The following ADGRL3 variants were observed in gnomAD, a reference collection of about 807,000 sequenced individuals.
ADGRL3 encodes calcium-independent alpha-latrotoxin receptor 3.
Under a neutral mutation model 153.5 loss-of-function variants are expected in ADGRL3, and 62 were observed. The observed-to-expected ratio is 0.40, with a 90% CI of 0.33 to 0.50. The LOEUF is 0.50. ADGRL3 is among the 20% of genes least tolerant of loss of function. The probability of loss-of-function intolerance (pLI) is 0.47; values close to 1 mark genes in which losing one functional copy is unlikely to be tolerated. For synonymous variants in ADGRL3, 710 were observed against 672.5 expected, an observed-to-expected ratio of 1.06 and a Z score of -0.86; for missense variants, 1,641 against 1,859.4, an observed-to-expected ratio of 0.88 and a Z score of 2.16.
At chr4:61,373,456 CTT>C (rs2096565274) in intron 1 of ADGRL3, among the ~76,000 whole-genome samples, 1 of 152,044 alleles carries the variant, frequency 6.6e-6, no homozygotes, top group African/African-American at 2.4e-5. Flanking sequence ...GAGAATTTAA[CTT>C]TCATTGTTAA....
At chr4:61,292,301 A>T (rs2094249651) in intron 1 of ADGRL3, among the ~76,000 whole-genome samples, 1 of 152,120 alleles carries the variant, frequency 6.6e-6, no homozygotes, top group African/African-American at 2.4e-5. Context: ...TTGTGTGTTT[A>T]CTTCAATGGG....
intron 6 of ADGRL3, among the ~76,000 whole-genome samples, chr4:61,716,865 C>T (rs1234791498): frequency 6.6e-6 from 1 of 152,120 alleles, no homozygotes; most frequent in African/African-American, 2.4e-5. Context: ...GGATTTTATA[C>T]TGTCTTTCCT....
At chr4:62,056,772 A>G (rs935640607) in intron 25 of ADGRL3, among the ~76,000 whole-genome samples, 2 of 152,146 alleles carry the variant, frequency 1.3e-5, no homozygotes, top group Admixed American at 6.6e-5. Flanking sequence ...ATGTATGTCA[A>G]GACAAAGGAG....
chr4:62,076,464 A>G lies in ADGRL3; in HGVS notation c.*5556A>G, dbSNP rs1451645817. 2 of 152,096 alleles carry G rather than the reference A, an allele frequency of 1.3e-5. No homozygotes were observed. The highest frequency in any genetic ancestry group is 2.9e-5 in the Non-Finnish European group (2 of 67,952). 9.4% of individuals were successfully genotyped at this position (152,096 alleles called of 1,614,324 possible). A position where few individuals can be genotyped will look rare whatever the true frequency, so the allele number is the denominator to read the frequency against. ...TCAACCACAATATGAACAACGGAAG[A>G]GCAGAAACCAAACAAGTTAGCAAAC... On this transcript the variant is annotated 3_prime_UTR_variant, in exon 27 of 27. Coordinates refer to ENST00000683033, the MANE Select transcript of ADGRL3 (RefSeq NM_001387552.1).
chr4:61,670,050 C>G (rs371213967), intron 5 of ADGRL3, among the ~76,000 whole-genome samples: 3 of 152,294 alleles, frequency 2.0e-5, no homozygotes, highest in East Asian at 3.9e-4. Flanking sequence ...AATCCCAGCA[C>G]TCTGGGAGGC....
intron 4 of ADGRL3, among the ~76,000 whole-genome samples, chr4:61,541,236 C>T (rs2098688567): frequency 6.6e-6 from 1 of 152,086 alleles, no homozygotes; most frequent in South Asian, 2.1e-4. Context: ...GTTTGTTCCA[C>T]CCCTGGTGAG....
intron 17 of ADGRL3, among the ~76,000 whole-genome samples, chr4:61,964,976 A>G (rs1232854573): frequency 6.6e-6 from 1 of 151,980 alleles, no homozygotes; most frequent in Non-Finnish European, 1.5e-5. Context: ...ACATGGCAAC[A>G]TTTCCGTAAT....
chr4:61,891,166 G>A (rs893584290), intron 9 of ADGRL3, among the ~76,000 whole-genome samples: 2 of 151,934 alleles, frequency 1.3e-5, no homozygotes, highest in African/African-American at 4.8e-5. Context: ...GTTAACAAAT[G>A]TTGATGATGG....
At chr4:61,543,162 C>T (rs2098698635) in intron 4 of ADGRL3, among the ~76,000 whole-genome samples, 1 of 149,678 alleles carries the variant, frequency 6.7e-6, no homozygotes, top group Non-Finnish European at 1.5e-5. Flanking sequence ...CTCGACTTCC[C>T]CAGAAATATC....
intron 9 of ADGRL3, among the ~76,000 whole-genome samples, chr4:61,827,938 G>C (rs1433613890): frequency 6.6e-6 from 1 of 152,098 alleles, no homozygotes; most frequent in African/African-American, 2.4e-5. Context: ...GAGACCTTTA[G>C]CCTTGTCTAA....
intron 1 of ADGRL3, among the ~76,000 whole-genome samples, chr4:61,264,532 C>T (rs2092731050): frequency 6.6e-6 from 1 of 151,948 alleles, no homozygotes; most frequent in African/African-American, 2.4e-5. Flanking sequence ...CTCTCCTTCC[C>T]TTTCTTCCTT....
At chr4:61,428,894 C>CATCCATCT (rs1553927257) in intron 2 of ADGRL3, among the ~76,000 whole-genome samples, 1 of 98,288 alleles carries the variant, frequency 1.0e-5, no homozygotes, top group Non-Finnish European at 2.3e-5. Context: ...CTATCTATAT[C>CATCCATCT]ATCTATCTAT....
intron 1 of ADGRL3, among the ~76,000 whole-genome samples, chr4:61,328,245 T>A (rs987861010): frequency 6.6e-6 from 1 of 152,290 alleles, no homozygotes; most frequent in South Asian, 2.1e-4. Flanking sequence ...ACTTCAATTT[T>A]AAATCCTAAT....
intron 21 of ADGRL3, among the ~76,000 whole-genome samples, chr4:62,012,649 A>G (rs1354589044): frequency 6.6e-6 from 1 of 152,192 alleles, no homozygotes; most frequent in Non-Finnish European, 1.5e-5. Flanking sequence ...TTGCCATTTC[A>G]GTAAACATAT....
rs866778750 is a variant in ADGRL3 at position 62,041,540 on chromosome 4, T to G, written c.3718-2913T>G. Among the ~76,000 whole-genome samples, 10 of 152,110 alleles carry G rather than the reference T, an allele frequency of 6.6e-5. No individual in the cohort carries two copies. In the South Asian group the frequency reaches 1.0e-3, roughly 16 times the overall value. ...AACATCCAACCTAGGAAATAGAACA[T>G]TTTCAATATGTTTTCCTCTTTATTT... On this transcript the variant is annotated intron_variant, in intron 24 of 26. Transcript: ENST00000683033.
At chr4:61,718,624 C>A (rs999195379) in intron 6 of ADGRL3, among the ~76,000 whole-genome samples, 1 of 152,148 alleles carries the variant, frequency 6.6e-6, no homozygotes, top group Non-Finnish European at 1.5e-5. Flanking sequence ...AGTTTCAACT[C>A]TAATCAGTTT....
intron 4 of ADGRL3, among the ~76,000 whole-genome samples, chr4:61,532,198 C>T (rs2098622628): frequency 6.6e-6 from 1 of 152,190 alleles, no homozygotes; most frequent in Non-Finnish European, 1.5e-5. Flanking sequence ...ATATGCGTGA[C>T]TGCATCTAGA....
intron 13 of ADGRL3, among the ~76,000 whole-genome samples, chr4:61,930,643 G>A (rs1049646655): frequency 6.6e-6 from 1 of 151,948 alleles, no homozygotes; most frequent in African/African-American, 2.4e-5. Flanking sequence ...TTAATGATAA[G>A]AGTCCTAATA....
At chr4:61,308,725 G>A (rs923892521) in intron 1 of ADGRL3, among the ~76,000 whole-genome samples, 4 of 152,128 alleles carry the variant, frequency 2.6e-5, no homozygotes, top group Admixed American at 1.3e-4. Flanking sequence ...AAATTAAAAT[G>A]CATATGTAAA....
Sources: gnomAD v4.1 joint callset for allele counts (sites outside exome capture counted in the v4.1 genomes callset) on GRCh38, gnomAD v4.1.1 for gene constraint, MANE v1.5 for transcripts, NCBI Gene and HGNC (gene_info 2026-07-23, HGNC 2026-07-21) for gene names.